Variants in CNTN5 observed in about 807,000 individuals in gnomAD.
CNTN5 encodes contactin-5.
In CNTN5, 77 loss-of-function variants were observed where a neutral mutation model predicts 129.1. That is an observed-to-expected ratio of 0.60 (90% CI 0.50 to 0.72). The LOEUF is 0.72. Among genes scored for constraint, CNTN5 ranks in the 30% least tolerant of loss-of-function variants. CNTN5 has a pLI of 0.00. For missense variants in CNTN5, 1,478 were observed against 1,328.8 expected, an observed-to-expected ratio of 1.11 and a Z score of -1.75; for synonymous variants, 509 against 465.6, an observed-to-expected ratio of 1.09 and a Z score of -1.20.
chr11:99,156,896 G>A (rs886701695), intron 1 of CNTN5, among the ~76,000 whole-genome samples: 3 of 151,968 alleles, frequency 2.0e-5, no homozygotes, highest in Non-Finnish European at 4.4e-5. Flanking sequence ...TTCAATAACA[G>A]CATTTAATGG....
chr11:99,349,347 G>C (rs1460381059), intron 2 of CNTN5, among the ~76,000 whole-genome samples: 4 of 152,182 alleles, frequency 2.6e-5, no homozygotes, highest in African/African-American at 9.6e-5. Context: ...ATATCTGGCA[G>C]AGATATAGAT....
In CNTN5 at chr11:99,572,968, G is replaced by A. The variant is rs4753956; in HGVS notation, c.55+16699G>A. Among the ~76,000 whole-genome samples the A allele has an allele frequency of 6.6e-5, 10 of 152,046 alleles. No homozygotes were observed. In the East Asian group the frequency reaches 1.9e-3, roughly 29 times the overall value. The stretch of plus-strand genomic sequence containing the variant: ...GGAGAACAGTGGAGCCAGCAATAGA[G>A]ATAAAGGAAGACTAAAAAGAAGGGG... On this transcript the variant is annotated intron_variant, in intron 3 of 24. Coordinates refer to ENST00000524871, the MANE Select transcript of CNTN5 (RefSeq NM_014361.4).
intron 1 of CNTN5, among the ~76,000 whole-genome samples, chr11:99,088,519 T>A (rs1364487729): frequency 6.6e-6 from 1 of 152,118 alleles, no homozygotes; most frequent in Non-Finnish European, 1.5e-5. Flanking sequence ...ATTCTGATTT[T>A]GTCAGGAGGA....
At position 100,061,246 on chromosome 11, in the gene CNTN5, G is replaced by T. The variant is rs200767659; in HGVS notation, c.1015G>T (p.Gly339Cys). 1 of 1,613,152 alleles carries T rather than the reference G, an allele frequency of 6.2e-7. No homozygotes were observed. ...VPTITWMKVN[G>C]YIPSKARLRK... ...AACAATCACATGGATGAAGGTTAATGGTTATATTCCTAGTAAGGCACGTCT... is the reference window on the plus strand; with the variant it reads ...AACAATCACATGGATGAAGGTTAATTGTTATATTCCTAGTAAGGCACGTCT... Residue 339 changes from glycine to cysteine, a missense_variant, in exon 10 of 25, where the codon GGT becomes TGT. Coordinates refer to ENST00000524871, the MANE Select transcript of CNTN5 (RefSeq NM_014361.4).
intron 20 of CNTN5, among the ~76,000 whole-genome samples, chr11:100,300,598 CAT>C (rs1403380635): frequency 4.6e-5 from 7 of 151,472 alleles, no homozygotes; most frequent in Non-Finnish European, 3.0e-5. Flanking sequence ...TAAATATAGT[CAT>C]GTGAATATTT....
At chr11:99,593,097 A>T (rs1157580229) in intron 3 of CNTN5, among the ~76,000 whole-genome samples, 3 of 152,204 alleles carry the variant, frequency 2.0e-5, no homozygotes, top group Non-Finnish European at 4.4e-5. Context: ...ACTGGCTTTT[A>T]TAACTAGCTT....
At chr11:99,600,424 AC>A (rs959905969) in intron 3 of CNTN5, among the ~76,000 whole-genome samples, 1 of 152,190 alleles carries the variant, frequency 6.6e-6, no homozygotes, top group African/African-American at 2.4e-5. Flanking sequence ...TGATTATTTT[AC>A]CTCATGTTAA....
chr11:99,832,974 A>G (rs1274005169), intron 4 of CNTN5, among the ~76,000 whole-genome samples: 2 of 152,104 alleles, frequency 1.3e-5, no homozygotes, highest in East Asian at 1.9e-4. Context: ...AATCCCTGAG[A>G]AAAATAAGCA....
At chr11:99,817,856 A>C (rs562334235) in intron 3 of CNTN5, among the ~76,000 whole-genome samples, 2 of 99,710 alleles carry the variant, frequency 2.0e-5, no homozygotes, top group African/African-American at 7.6e-5. Flanking sequence ...AACTCTTTTC[A>C]GTTAAAATTG....
At chr11:99,482,432 G>C (rs1018792195) in intron 2 of CNTN5, among the ~76,000 whole-genome samples, 2 of 152,120 alleles carry the variant, frequency 1.3e-5, no homozygotes, top group Non-Finnish European at 2.9e-5. Context: ...ATCTGTAACA[G>C]TTGAATAATA....
At chr11:99,503,713 T>C (rs868831347) in intron 2 of CNTN5, among the ~76,000 whole-genome samples, 1 of 152,176 alleles carries the variant, frequency 6.6e-6, no homozygotes, top group Non-Finnish European at 1.5e-5. Flanking sequence ...AATTGACATA[T>C]AGATGGGTAG....
At chr11:99,133,034 C>T (rs943872682) in intron 1 of CNTN5, among the ~76,000 whole-genome samples, 1 of 152,178 alleles carries the variant, frequency 6.6e-6, no homozygotes, top group Non-Finnish European at 1.5e-5. Flanking sequence ...ACCAGAACAG[C>T]ATGGTATTGG....
chr11:99,287,046 G>A (rs373731113), intron 1 of CNTN5, among the ~76,000 whole-genome samples: 3 of 152,092 alleles, frequency 2.0e-5, no homozygotes, highest in African/African-American at 7.2e-5. Context: ...GGAAAGTGAA[G>A]TTTTGGGGAA....
chr11:99,813,330 A>G (rs1216288343), intron 3 of CNTN5, among the ~76,000 whole-genome samples: 2 of 152,104 alleles, frequency 1.3e-5, no homozygotes, highest in Admixed American at 6.6e-5. Flanking sequence ...CTACTCTGCT[A>G]TTTCTTTAAG....
chr11:100,287,275 C>T lies in CNTN5; in HGVS notation c.2315-10350C>T, dbSNP rs1327956255. ...CAGAGAATGCCATAAAGATACTCCTCGAGAAGAGCAACTCCAAGACACATA... is the reference window on the plus strand; with the variant it reads ...CAGAGAATGCCATAAAGATACTCCTTGAGAAGAGCAACTCCAAGACACATA... On this transcript the variant is annotated intron_variant, in intron 18 of 24. Transcript: ENST00000524871. Among the ~76,000 whole-genome samples the T allele has an allele frequency of 2.0e-4, 30 of 152,062 alleles. No individual in the cohort carries two copies. In the South Asian group the frequency reaches 5.2e-3, roughly 26 times the overall value.
chr11:99,297,472 A>G (rs1565471659), intron 1 of CNTN5, among the ~76,000 whole-genome samples: 1 of 151,620 alleles, frequency 6.6e-6, no homozygotes, highest in African/African-American at 2.4e-5. Flanking sequence ...AGCAGATGAC[A>G]TGCTGTAGTG....
At chr11:99,174,988 C>T (rs1263456844) in intron 1 of CNTN5, among the ~76,000 whole-genome samples, 1 of 152,022 alleles carries the variant, frequency 6.6e-6, no homozygotes, top group Non-Finnish European at 1.5e-5. Flanking sequence ...AATTCCAGTG[C>T]TTTGTGAAGC....
intron 3 of CNTN5, among the ~76,000 whole-genome samples, chr11:99,598,278 T>C (rs61911122): frequency 1.7e-3 from 6 of 3,490 alleles, no homozygotes; most frequent in Admixed American, 3.0e-3. Context: ...TCTTTTCTTT[T>C]CTTTTCTTTT....
chr11:99,748,802 C>A (rs1400186423), intron 3 of CNTN5, among the ~76,000 whole-genome samples: 2 of 152,148 alleles, frequency 1.3e-5, no homozygotes, highest in Non-Finnish European at 2.9e-5. Context: ...TGCATGATGC[C>A]CATTTACACT....
Sources: allele counts gnomAD v4.1 joint callset (sites outside exome capture counted in the v4.1 genomes callset), GRCh38; gene constraint gnomAD v4.1.1; transcripts MANE v1.5; gene names NCBI Gene and HGNC (gene_info 2026-07-23, HGNC 2026-07-21).